Variants in BCAR3 observed in about 807,000 individuals in gnomAD.
BCAR3 encodes the protein breast cancer anti-estrogen resistance protein 3.
In BCAR3, 37 loss-of-function variants were observed where a neutral mutation model predicts 80.1. The observed-to-expected ratio is 0.46, with a 90% CI of 0.36 to 0.61. The LOEUF is 0.61. Ranked by LOEUF, BCAR3 falls within the 20% of genes least tolerant of loss-of-function variation. The probability of loss-of-function intolerance (pLI) is 0.00; values close to 1 mark genes in which losing one functional copy is unlikely to be tolerated. For synonymous variants in BCAR3, 389 were observed against 418.9 expected (o/e 0.93, Z 0.87); for missense variants, 978 against 1,068.2 (o/e 0.92, Z 1.18).
chr1:93,645,641 T>G (rs531146073), intron 2 of BCAR3, among the ~76,000 whole-genome samples: 1 of 150,274 alleles, frequency 6.7e-6, no homozygotes, highest in South Asian at 2.1e-4. Flanking sequence ...AGGATCTTTG[T>G]GTGTGTGTGT....
chr1:93,818,553 T>C (rs1654096262), intron 2 of BCAR3, among the ~76,000 whole-genome samples: 1 of 152,228 alleles, frequency 6.6e-6, no homozygotes. Flanking sequence ...CTGAGCAAGC[T>C]ACTTAACCAC....
chr1:93,787,626 G>A (rs139211760), intron 2 of BCAR3, among the ~76,000 whole-genome samples: 1 of 152,198 alleles, frequency 6.6e-6, no homozygotes, highest in South Asian at 2.1e-4. Context: ...TGTTTTGAGA[G>A]TTCCTTTTGG....
intron 2 of BCAR3, among the ~76,000 whole-genome samples, chr1:93,706,999 A>AC (rs1002598072): frequency 2.6e-5 from 4 of 152,084 alleles, no homozygotes; most frequent in African/African-American, 9.6e-5. Context: ...ACATGGTGAA[A>AC]CCCCGTCTCT....
At chr1:93,711,820 A>C (rs1279668319) in intron 2 of BCAR3, among the ~76,000 whole-genome samples, 1 of 152,224 alleles carries the variant, frequency 6.6e-6, no homozygotes, top group Non-Finnish European at 1.5e-5. Context: ...CCTACAGACA[A>C]GAATCCTGTC....
intron 3 of BCAR3, among the ~76,000 whole-genome samples, chr1:93,697,734 C>G (rs1221723416): frequency 6.6e-6 from 1 of 152,128 alleles, no homozygotes; most frequent in Non-Finnish European, 1.5e-5. Context: ...AATCCCAGCA[C>G]TTTGGGAGGC....
chr1:93,823,646 GACAA>G (rs1234416510), intron 2 of BCAR3, among the ~76,000 whole-genome samples: 3 of 135,032 alleles, frequency 2.2e-5, no homozygotes, highest in Admixed American at 1.5e-4. Flanking sequence ...GGGAAGTGAA[GACAA>G]ACAAAGAGCT....
At chr1:93,835,876 C>T (rs553647229) in intron 2 of BCAR3, among the ~76,000 whole-genome samples, 31 of 152,292 alleles carry the variant, frequency 2.0e-4, no homozygotes, top group East Asian at 5.8e-4. Context: ...AAGGCCACCG[C>T]GGTCATTTCT....
At chr1:93,766,616 C>G (rs1652160380) in intron 2 of BCAR3, among the ~76,000 whole-genome samples, 2 of 152,252 alleles carry the variant, frequency 1.3e-5, no homozygotes, top group Non-Finnish European at 2.9e-5. Flanking sequence ...AGCACGGCTG[C>G]CCGTCCACAT....
At chr1:93,665,410 ATCT>A (rs900747818) in intron 2 of BCAR3, among the ~76,000 whole-genome samples, 1 of 151,912 alleles carries the variant, frequency 6.6e-6, no homozygotes, top group Non-Finnish European at 1.5e-5. Flanking sequence ...AAAAAAAAAA[ATCT>A]TCTTTTGAAC....
At chr1:93,810,799 C>T (rs1010296623) in intron 2 of BCAR3, among the ~76,000 whole-genome samples, 3 of 152,134 alleles carry the variant, frequency 2.0e-5, no homozygotes, top group South Asian at 4.1e-4. Context: ...CTAATATACT[C>T]CCATTAGGCT....
intron 3 of BCAR3, among the ~76,000 whole-genome samples, chr1:93,630,064 G>A (rs1465125028): frequency 6.6e-6 from 1 of 152,150 alleles, no homozygotes; most frequent in African/African-American, 2.4e-5. Context: ...CCCAGTGTGT[G>A]TACATTTTAA....
At chr1:93,716,407 A>C (rs1475915038) in intron 2 of BCAR3, among the ~76,000 whole-genome samples, 1 of 152,178 alleles carries the variant, frequency 6.6e-6, no homozygotes, top group Non-Finnish European at 1.5e-5. Context: ...TTGTTTGTAA[A>C]ACACCAATTT....
At chr1:93,828,351 C>G (rs1654448988) in intron 2 of BCAR3, among the ~76,000 whole-genome samples, 2 of 152,162 alleles carry the variant, frequency 1.3e-5, no homozygotes, top group Admixed American at 1.3e-4. Flanking sequence ...GTCATAGAAA[C>G]TAGAATCCCT....
intron 2 of BCAR3, among the ~76,000 whole-genome samples, chr1:93,773,987 T>C (rs746103205): frequency 1.2e-4 from 18 of 152,170 alleles, no homozygotes; most frequent in Non-Finnish European, 2.4e-4. Flanking sequence ...AATGCTGTTA[T>C]TGAAACAACA....
At chr1:93,707,308 A>G (rs1649859701) in intron 2 of BCAR3, among the ~76,000 whole-genome samples, 1 of 152,232 alleles carries the variant, frequency 6.6e-6, no homozygotes, top group Non-Finnish European at 1.5e-5. Flanking sequence ...GTTTTCCAAA[A>G]TTTCTGTATT....
rs1047298957 is a variant in BCAR3, at chr1:93,586,380, G to A, written c.930-2259C>T. On this transcript the variant is annotated intron_variant, in intron 5 of 11. Transcript: ENST00000260502. The surrounding 1 kb of genome is among the most constrained non-coding windows in gnomAD (Gnocchi z 4.2). ...CCATCCACGTGGTTGCAAATAACAG[G>A]ATCTCATTGTTTTTATGGCTGAATA... 1.3e-5 allele frequency among the ~76,000 whole-genome samples: 2 copies of A among 152,162 alleles called. No individual in the cohort carries two copies. Among genetic ancestry groups the A allele is most frequent in the African/African-American group, 2.4e-5 (1 of 41,432 alleles).
intron 7 of BCAR3, among the ~76,000 whole-genome samples, chr1:93,578,622 C>A (rs1437663004): frequency 6.6e-6 from 1 of 152,192 alleles, no homozygotes; most frequent in Admixed American, 6.5e-5. Context: ...ACACCCAACT[C>A]CCTGTTCAAG....
At chr1:93,764,366 C>T (rs1054045578) in intron 2 of BCAR3, among the ~76,000 whole-genome samples, 5 of 152,044 alleles carry the variant, frequency 3.3e-5, no homozygotes, top group African/African-American at 9.7e-5. Flanking sequence ...ATAGACCCAA[C>T]CCTTCCTCCA....
At chr1:93,621,396 G>A (rs1390337425) in intron 3 of BCAR3, among the ~76,000 whole-genome samples, 1 of 152,190 alleles carries the variant, frequency 6.6e-6, no homozygotes, top group Non-Finnish European at 1.5e-5. Context: ...GAGGAGAGGG[G>A]TTATGACTTT....
Sources: allele counts gnomAD v4.1 joint callset (sites outside exome capture counted in the v4.1 genomes callset), GRCh38; gene constraint gnomAD v4.1.1; non-coding constraint Gnocchi (gnomAD v3.1); transcripts MANE v1.5; gene names NCBI Gene and HGNC (gene_info 2026-07-23, HGNC 2026-07-21).